The following NFIA variants were observed in gnomAD, a reference collection of about 807,000 sequenced individuals.
The protein encoded by NFIA is nuclear factor 1 A-type.
NFIA carries 8 observed loss-of-function variants against 62.8 expected under a neutral mutation model. The observed-to-expected ratio is 0.13, with a 90% confidence interval of 0.07 to 0.23. The LOEUF (loss-of-function observed/expected upper bound fraction) is 0.23, where lower values mean the gene tolerates loss of function less well. Ranked by LOEUF, NFIA falls within the 10% of genes least tolerant of loss-of-function variation. The pLI, the probability that NFIA is intolerant of heterozygous loss-of-function variation, is 1.00. For missense variants in NFIA, 410 were observed against 642.1 expected, an observed-to-expected ratio of 0.64 and a Z score of 3.91; for synonymous variants, 235 against 238.1, an observed-to-expected ratio of 0.99 and a Z score of 0.12.
At chr1:61,318,112 A>C (rs541729615) in intron 3 of NFIA, among the ~76,000 whole-genome samples, 1 of 152,274 alleles carries the variant, frequency 6.6e-6, no homozygotes, top group East Asian at 1.9e-4. Flanking sequence ...ATTCACCCCG[A>C]TTCATATTTA....
At chr1:61,261,460 C>T (rs1245609144) in intron 2 of NFIA, among the ~76,000 whole-genome samples, 2 of 152,152 alleles carry the variant, frequency 1.3e-5, no homozygotes, top group Non-Finnish European at 2.9e-5. Flanking sequence ...TGCAGGATAA[C>T]GTTAAGTGTT....
At chr1:61,440,540 G>C (rs1421660535) in intron 10 of NFIA, among the ~76,000 whole-genome samples, 1 of 152,012 alleles carries the variant, frequency 6.6e-6, no homozygotes, top group Non-Finnish European at 1.5e-5. Flanking sequence ...AGAGTGAGTG[G>C]CACTACAGAC....
chr1:61,440,935 T>C (rs942308467), intron 10 of NFIA, among the ~76,000 whole-genome samples: 5 of 152,236 alleles, frequency 3.3e-5, no homozygotes, highest in Admixed American at 6.5e-5. Context: ...CAGACTCCCA[T>C]CATTTTTCAG....
chr1:61,401,515 C>A (rs1376991913), intron 7 of NFIA, among the ~76,000 whole-genome samples: 1 of 152,070 alleles, frequency 6.6e-6, no homozygotes, highest in Admixed American at 6.6e-5. Flanking sequence ...TATCTCATTT[C>A]TTTAAAGATC....
At chr1:61,201,178 C>A (rs575503627) in intron 2 of NFIA, among the ~76,000 whole-genome samples, 2 of 152,036 alleles carry the variant, frequency 1.3e-5, no homozygotes, top group East Asian at 3.9e-4. Context: ...ACCCTGATAG[C>A]GTAAAGAATC....
chr1:61,364,842 T>C (rs779359182), intron 6 of NFIA, among the ~76,000 whole-genome samples: 1 of 152,094 alleles, frequency 6.6e-6, no homozygotes, highest in Non-Finnish European at 1.5e-5. Flanking sequence ...GGAGCACCCA[T>C]ATGAGACACT....
intron 3 of NFIA, among the ~76,000 whole-genome samples, chr1:61,314,525 A>G (rs1295070642): frequency 6.6e-6 from 1 of 152,214 alleles, no homozygotes; most frequent in African/African-American, 2.4e-5. Flanking sequence ...AATGCACTAA[A>G]TTATGATTCC....
intron 2 of NFIA, among the ~76,000 whole-genome samples, chr1:61,197,470 C>T (rs1652110107): frequency 6.6e-6 from 1 of 151,242 alleles, no homozygotes; most frequent in Non-Finnish European, 1.5e-5. Context: ...AACTCCTGAC[C>T]TTGCGATCCA....
At chr1:61,399,716 A>G (rs971412564) in intron 7 of NFIA, among the ~76,000 whole-genome samples, 11 of 152,158 alleles carry the variant, frequency 7.2e-5, no homozygotes, top group Non-Finnish European at 2.9e-5. Context: ...GCAAGATTCC[A>G]AGCTTGTCTG....
At chr1:61,090,797 A>G (rs757880265) in intron 2 of NFIA, among the ~76,000 whole-genome samples, 1 of 152,224 alleles carries the variant, frequency 6.6e-6, no homozygotes, top group South Asian at 2.1e-4. Context: ...ACGGGACCGC[A>G]GTAATGGCTG....
chr1:61,376,867 T>G (rs1241721187), intron 6 of NFIA, among the ~76,000 whole-genome samples: 6 of 152,158 alleles, frequency 3.9e-5, no homozygotes, highest in Non-Finnish European at 8.8e-5. Context: ...CTAATTTCTG[T>G]AATATTAAGT....
chr1:61,152,861 G>T (rs1648520985), intron 2 of NFIA, among the ~76,000 whole-genome samples: 1 of 152,118 alleles, frequency 6.6e-6, no homozygotes, highest in South Asian at 2.1e-4. Context: ...TTGTTTCCTG[G>T]TCTGTGTCTT....
At chr1:61,132,873 C>T (rs1480485652) in intron 2 of NFIA, 1 of 152,222 alleles carries the variant, frequency 6.6e-6, no homozygotes, top group Non-Finnish European at 1.5e-5. Flanking sequence ...TGGCAAGCAA[C>T]TCCCTACCAC....
intron 3 of NFIA, among the ~76,000 whole-genome samples, chr1:61,280,677 T>G (rs1426266278): frequency 2.0e-5 from 3 of 152,202 alleles, no homozygotes; most frequent in African/African-American, 7.2e-5. Context: ...GCTTTTTCTG[T>G]GGAATTTTTG....
intron 4 of NFIA, among the ~76,000 whole-genome samples, chr1:61,337,580 T>G (rs1661679900): frequency 6.6e-6 from 1 of 152,162 alleles, no homozygotes; most frequent in Non-Finnish European, 1.5e-5. Flanking sequence ...GTTTTACAAG[T>G]GTTAACAATG....
intron 10 of NFIA, among the ~76,000 whole-genome samples, chr1:61,444,151 C>T (rs1667705865): frequency 6.6e-6 from 1 of 152,198 alleles, no homozygotes; most frequent in Non-Finnish European, 1.5e-5. Context: ...ACCATTTCCA[C>T]AGAAAGCTGA....
chr1:61,411,826 G>A (rs1666117716), intron 9 of NFIA, among the ~76,000 whole-genome samples: 1 of 151,682 alleles, frequency 6.6e-6, no homozygotes, highest in Admixed American at 6.6e-5. Flanking sequence ...GAGCAAGGAT[G>A]CAGTAGGAGG....
At position 61,333,092 on chromosome 1, in the gene NFIA, T is replaced by C. The variant is rs527519825; in HGVS notation, c.700+506T>C. 3.9e-4 allele frequency among the ~76,000 whole-genome samples: 55 copies of C among 141,794 alleles called. 1 individual carries two copies. The highest frequency in any genetic ancestry group is 1.2e-3 in the South Asian group (5 of 4,338). The allele number at this position is 141,794 out of a possible 152,430, so 93.0% of individuals were successfully genotyped here. A position where few individuals can be genotyped will look rare whatever the true frequency, so the allele number is the denominator to read the frequency against. On this transcript the variant is annotated intron_variant, in intron 4 of 10. Transcript: ENST00000403491. ...ATACACACACACACACACACACACA[T>C]ACACAGTTGCCTTCCCTTAGGAATC... is the stretch of plus-strand genomic sequence containing the variant.
At chr1:61,257,232 C>T (rs1195201614) in intron 2 of NFIA, among the ~76,000 whole-genome samples, 1 of 151,162 alleles carries the variant, frequency 6.6e-6, no homozygotes, top group African/African-American at 2.4e-5. Context: ...TGTCTCAGCT[C>T]AGTTAACTAG....
Sources: allele counts gnomAD v4.1 joint callset (sites outside exome capture counted in the v4.1 genomes callset), GRCh38; gene constraint gnomAD v4.1.1; transcripts MANE v1.5; gene names NCBI Gene and HGNC (gene_info 2026-07-23, HGNC 2026-07-21).